MGST1: variants seen among roughly 807,000 people sequenced by gnomAD.
MGST1 encodes the protein glutathione S-transferase 12.
A neutral mutation model predicts 8.9 loss-of-function variants in MGST1; 5 were observed. The observed-to-expected ratio is 0.56, with a 90% CI of 0.29 to 1.19. MGST1 has a LOEUF of 1.19. Among genes scored for constraint, MGST1 ranks in the 50% most tolerant of loss-of-function variants. The pLI, the probability that MGST1 is intolerant of heterozygous loss-of-function variation, is 0.08. For missense variants in MGST1, 182 were observed against 187.4 expected (o/e 0.97, Z 0.17); for synonymous variants, 54 against 67.8 (o/e 0.80, Z 1.00).
At chr12:16,575,374 C>T (rs543764758) in intron 4 of MGST1, among the ~76,000 whole-genome samples, 4 of 152,112 alleles carry the variant, frequency 2.6e-5, no homozygotes, top group Non-Finnish European at 5.9e-5. Context: ...ATGATACCTC[C>T]GCAAATTAGA....
chr12:16,496,268 G>T (rs1187973824), intron 4 of MGST1, among the ~76,000 whole-genome samples: 1 of 152,052 alleles, frequency 6.6e-6, no homozygotes, highest in Non-Finnish European at 1.5e-5. Context: ...CTCCAGGGGA[G>T]TGCACAGATC....
At chr12:16,570,017 G>A (rs1034473069) in intron 4 of MGST1, among the ~76,000 whole-genome samples, 10 of 152,202 alleles carry the variant, frequency 6.6e-5, no homozygotes, top group Non-Finnish European at 1.3e-4. Flanking sequence ...TTTAGATATC[G>A]TGGGAAATTT....
chr12:16,455,489 T>C (rs968530753), intron 4 of MGST1, among the ~76,000 whole-genome samples: 1 of 151,718 alleles, frequency 6.6e-6, no homozygotes, highest in Non-Finnish European at 1.5e-5. Flanking sequence ...ATTTAATAAA[T>C]GTTGGATAAA....
chr12:16,521,040 C>T (rs1039685141), intron 4 of MGST1, among the ~76,000 whole-genome samples: 4 of 152,104 alleles, frequency 2.6e-5, no homozygotes, highest in African/African-American at 9.7e-5. Flanking sequence ...CCCTATAGTA[C>T]ACCACCCAAT....
chr12:16,417,542 G>C (rs1020046661), intron 1 of MGST1, among the ~76,000 whole-genome samples: 2 of 152,122 alleles, frequency 1.3e-5, no homozygotes, highest in Non-Finnish European at 2.9e-5. Flanking sequence ...AGAGCTATTT[G>C]ACCAGTGCCC....
At chr12:16,449,120 G>T (rs1565456886) in intron 4 of MGST1, among the ~76,000 whole-genome samples, 1 of 151,856 alleles carries the variant, frequency 6.6e-6, no homozygotes, top group Non-Finnish European at 1.5e-5. Context: ...AATACCTGAG[G>T]CTAGACAATC....
chr12:16,489,851 T>C (rs1265381893), intron 4 of MGST1, among the ~76,000 whole-genome samples: 1 of 152,206 alleles, frequency 6.6e-6, no homozygotes, highest in Admixed American at 6.5e-5. Context: ...TTCTACATTC[T>C]CACCTGTCAT....
At chr12:16,412,705 C>G (rs1033909651) in intron 1 of MGST1, among the ~76,000 whole-genome samples, 3 of 152,086 alleles carry the variant, frequency 2.0e-5, no homozygotes, top group African/African-American at 7.2e-5. Context: ...GGCAGTTCCC[C>G]TACCTGCCAC....
intron 4 of MGST1, among the ~76,000 whole-genome samples, chr12:16,483,746 A>G (rs1003700677): frequency 2.0e-5 from 3 of 152,216 alleles, no homozygotes; most frequent in Admixed American, 2.0e-4. Context: ...TATATTGTCA[A>G]TTTCATTATC....
downstream of MGST1, among the ~76,000 whole-genome samples, chr12:16,379,543 G>A (rs905779427): frequency 6.6e-6 from 1 of 152,158 alleles, no homozygotes; most frequent in Non-Finnish European, 1.5e-5. Context: ...GCTGGATTCT[G>A]TTTGCCAGTA....
At chr12:16,479,286 G>A (rs1419715353) in intron 4 of MGST1, among the ~76,000 whole-genome samples, 1 of 130,778 alleles carries the variant, frequency 7.6e-6, no homozygotes, top group Non-Finnish European at 1.6e-5. Flanking sequence ...CCAGGCTGGA[G>A]TGTGGTGGCG....
intron 4 of MGST1, among the ~76,000 whole-genome samples, chr12:16,476,110 G>A (rs573536507): frequency 6.6e-6 from 1 of 152,076 alleles, no homozygotes; most frequent in African/African-American, 2.4e-5. Flanking sequence ...AACTGCTGAA[G>A]GACAATAAAA....
chr12:16,406,626 C>A (rs1241826832), intron 1 of MGST1, among the ~76,000 whole-genome samples: 1 of 152,064 alleles, frequency 6.6e-6, no homozygotes, highest in African/African-American at 2.4e-5. Flanking sequence ...AAGCAAAAAG[C>A]TGGAGGCATC....
chr12:16,429,599 T>A (rs1167046844), intron 1 of MGST1, among the ~76,000 whole-genome samples: 1 of 152,134 alleles, frequency 6.6e-6, no homozygotes, highest in Non-Finnish European at 1.5e-5. Context: ...ATTAAGTGAG[T>A]CAGCCAACAT....
chr12:16,591,518 G>C (rs1353773386), downstream of MGST1, among the ~76,000 whole-genome samples: 1 of 126,526 alleles, frequency 7.9e-6, no homozygotes, highest in East Asian at 2.4e-4. The surrounding 1 kb of genome is among the most constrained non-coding windows in gnomAD (Gnocchi z 4.1). Flanking sequence ...TACAAGGGGA[G>C]CAGGTATTTT....
At position 16,410,681 on chromosome 12, in the gene MGST1, A is replaced by G. The variant is rs369777642; in HGVS notation, n.779-26707A>G. Among the ~76,000 whole-genome samples, 1 of 148,146 alleles carries G rather than the reference A, an allele frequency of 6.8e-6. No homozygotes were observed. Reference sequence around the variant, plus strand: ...AAACATACATAATCAAATATATAATATAAATATATAATATAATATATAAAT... The same window carrying G: ...AAACATACATAATCAAATATATAATGTAAATATATAATATAATATATAAAT... On this transcript the variant is annotated intron_variant and non_coding_transcript_variant, in intron 1 of 1. Coordinates refer to the MGST1 transcript ENST00000359720. The surrounding 1 kb of genome is among the most constrained non-coding windows in gnomAD (Gnocchi z 4.4).
rs903492999 is a variant in MGST1 at position 16,584,487 on chromosome 12, G to A, written n.483-5041G>A. The stretch of plus-strand genomic sequence containing the variant: ...CATGAGGTTTCTGGAGGACCCAGTG[G>A]AAAAGTGTTGAGTGAACGTAACAGC... On this transcript the variant is annotated intron_variant and non_coding_transcript_variant, in intron 4 of 4. Transcript: ENST00000538857. This position sits in a 1 kb window ranked among gnomAD's most constrained non-coding sequence, Gnocchi z 5.2. Among the ~76,000 whole-genome samples, 1 of 152,168 alleles carries A rather than the reference G, an allele frequency of 6.6e-6. No homozygotes were observed. Among genetic ancestry groups the A allele is most frequent in the Admixed American group, 6.5e-5 (1 of 15,272 alleles).
rs1335472915 is a variant in MGST1, at chr12:16,576,576, A to G, written n.483-12952A>G. Among the ~76,000 whole-genome samples the G allele has an allele frequency of 6.6e-6, 1 of 152,212 alleles. No individual in the cohort carries two copies. The highest frequency in any genetic ancestry group is 1.5e-5 in the Non-Finnish European group (1 of 68,036). On this transcript the variant is annotated intron_variant and non_coding_transcript_variant, in intron 4 of 4. Coordinates refer to the MGST1 transcript ENST00000538857. This position sits in a 1 kb window ranked among gnomAD's most constrained non-coding sequence, Gnocchi z 4.1. Reference sequence around the variant, plus strand: ...TACTACTTCATCTTTCAGAATCTGTATCAGTTACGTACCTGTTTGTCTCTT... The same window carrying G: ...TACTACTTCATCTTTCAGAATCTGTGTCAGTTACGTACCTGTTTGTCTCTT...
downstream of MGST1, among the ~76,000 whole-genome samples, chr12:16,439,113 T>TA (rs5796672): frequency 3.2e-3 from 459 of 144,472 alleles, 4 homozygotes; most frequent in African/African-American, 0.01. Context: ...GTAAGACATG[T>TA]AAAAAAAAAA....
Sources: gnomAD v4.1 joint callset for allele counts (sites outside exome capture counted in the v4.1 genomes callset) on GRCh38, gnomAD v4.1.1 for gene constraint, Gnocchi (gnomAD v3.1) non-coding constraint, MANE v1.5 for transcripts, NCBI Gene and HGNC (gene_info 2026-07-23, HGNC 2026-07-21) for gene names.